LRRK1: variants seen among roughly 807,000 people sequenced by gnomAD.
LRRK1 encodes the protein leucine-rich repeat serine/threonine-protein kinase 1.
In LRRK1, 113 loss-of-function variants were observed where a neutral mutation model predicts 209.1. The observed-to-expected ratio is 0.54, with a 90% confidence interval of 0.46 to 0.63. LRRK1 has a LOEUF of 0.63. LRRK1 is among the 30% of genes least tolerant of loss of function. LRRK1 has a pLI of 0.00. For synonymous variants in LRRK1, 1,144 were observed against 1,099.7 expected, an observed-to-expected ratio of 1.04 and a Z score of -0.80; for missense variants, 2,284 against 2,632.2, an observed-to-expected ratio of 0.87 and a Z score of 2.89.
At position 101,022,250 on chromosome 15, in the gene LRRK1, C is replaced by CT. The variant is rs1190822494; in HGVS notation, c.1853-132dup. On this transcript the variant is annotated intron_variant, in intron 14 of 33. Coordinates refer to ENST00000388948, the MANE Select transcript of LRRK1 (RefSeq NM_024652.6). This position sits in a 1 kb window ranked among gnomAD's most constrained non-coding sequence, Gnocchi z 4.0. ...GGTTAGTGTCATGCCTTCCCTCCCC[C>CT]TGATCCAGTAGTCTTCCTTAACTGT... is the stretch of plus-strand genomic sequence containing the variant. 7.8e-6 allele frequency: 7 copies of CT among 892,254 alleles called. No individual in the cohort carries two copies. Among genetic ancestry groups the CT allele is most frequent in the Non-Finnish European group, 1.2e-5 (7 of 568,468 alleles). 55.3% of individuals were successfully genotyped at this position (892,254 alleles called of 1,614,324 possible). A position where few individuals can be genotyped will look rare whatever the true frequency, so the allele number is the denominator to read the frequency against.
chr15:100,983,478 C>T (rs1255573868), intron 3 of LRRK1, 50 bp from the exon 4 acceptor site: 6 of 1,499,280 alleles, frequency 4.0e-6, no homozygotes, highest in East Asian at 2.3e-5. Flanking sequence ...GTTGTCTTGG[C>T]AGTTCCTAAT....
At chr15:100,937,642 C>T (rs1260243908) in intron 2 of LRRK1, among the ~76,000 whole-genome samples, 1 of 151,944 alleles carries the variant, frequency 6.6e-6, no homozygotes, top group African/African-American at 2.4e-5. Flanking sequence ...TGATGCCATT[C>T]TCCTGCCTCC....
In LRRK1 at chr15:101,077,595, C is replaced by T. The variant is rs905385292; in HGVS notation, c.*8747C>T. 6 of 152,184 alleles carry T rather than the reference C, an allele frequency of 3.9e-5. No individual in the cohort carries two copies. Among genetic ancestry groups the T allele is most frequent in the Non-Finnish European group, 5.9e-5 (4 of 68,046 alleles). The allele number at this position is 152,184 out of a possible 1,614,324, so 9.4% of individuals were successfully genotyped here. On this transcript the variant is annotated 3_prime_UTR_variant, in exon 34 of 34. Transcript: ENST00000388948. ...ATACAAAACCGTATCCAGGTCATCA[C>T]CAATAATTCTAAATGACGAATGTTT...
chr15:101,029,442 G>A (rs906049339), intron 20 of LRRK1, among the ~76,000 whole-genome samples: 8 of 143,504 alleles, frequency 5.6e-5, no homozygotes, highest in African/African-American at 2.1e-4. Flanking sequence ...CCTGTGCCAC[G>A]GGCTTCTCTG....
rs2141584988 is a variant in LRRK1 at position 100,919,592 on chromosome 15, G to A, written c.-123+141G>A. Reference sequence around the variant, plus strand: ...GGGCCCCTGCGCTCCGGGCGGCCGCGTGGTCGGGCACGGGGGGCCGTTGCG... The same window carrying A: ...GGGCCCCTGCGCTCCGGGCGGCCGCATGGTCGGGCACGGGGGGCCGTTGCG... On this transcript the variant is annotated intron_variant, in intron 1 of 33. Transcript: ENST00000388948. The surrounding 1 kb of genome is among the most constrained non-coding windows in gnomAD (Gnocchi z 5.8). 6.7e-6 allele frequency: 1 copy of A among 149,042 alleles called. No individual in the cohort carries two copies. The highest frequency in any genetic ancestry group is 2.0e-4 in the East Asian group (1 of 5,118). 9.2% of individuals were successfully genotyped at this position (149,042 alleles called of 1,614,324 possible).
chr15:101,059,577 A>G (rs1227448425), intron 29 of LRRK1, among the ~76,000 whole-genome samples: 1 of 151,176 alleles, frequency 6.6e-6, no homozygotes, highest in Non-Finnish European at 1.5e-5. Flanking sequence ...GAGTCAGTTA[A>G]TGAGTAATTA....
chr15:100,953,656 AT>A (rs1419721856), intron 2 of LRRK1, among the ~76,000 whole-genome samples: 1 of 152,166 alleles, frequency 6.6e-6, no homozygotes, highest in Non-Finnish European at 1.5e-5. Context: ...GGTTACAGAT[AT>A]CTCTTCGAGA....
chr15:101,021,037 T>C lies in LRRK1; in HGVS notation c.1610-16T>C. On this transcript the variant is annotated splice_polypyrimidine_tract_variant and intron_variant, in intron 12 of 33. Coordinates refer to ENST00000388948, the MANE Select transcript of LRRK1 (RefSeq NM_024652.6). ...AATTATTTTTAAATGCAGTCTGCTT[T>C]GCCATGTCTTTGCAGCAAGTGTGCT... 2 of 1,613,954 alleles carry C rather than the reference T, an allele frequency of 1.2e-6. No individual in the cohort carries two copies. Among genetic ancestry groups the C allele is most frequent in the Non-Finnish European group, 1.7e-6 (2 of 1,179,856 alleles).
Position 101,048,532 on chromosome 15 carries a change from G to C in LRRK1, c.3174G>C (p.Arg1058Ser). 15 of 1,599,026 alleles carry C rather than the reference G, an allele frequency of 9.4e-6. No individual in the cohort carries two copies. The highest frequency in any genetic ancestry group is 1.2e-5 in the Non-Finnish European group (14 of 1,175,484). The change falls in exon 22 of 34, where the codon AGG (arginine) becomes AGC (serine). Residue 1058 changes from arginine (R) to serine (S), a missense_variant. Physicochemically the swap from Arg to Ser is moderately radical, Grantham distance 110 (BLOSUM62 -1). This residue lies in a region of LRRK1 where 780 missense variants were observed against 985.2 expected (regional missense o/e 0.79). Coordinates refer to ENST00000388948, the MANE Select transcript of LRRK1 (RefSeq NM_024652.6). ...AGAAGAATACTAAAAGCAGGAACAG[G>C]AAAGTCACCATTTACAGTTTTACAG... ...ENKKNTKSRNRKVTIYSFTGN... is the reference protein window; with the variant it reads ...ENKKNTKSRNSKVTIYSFTGN...
In LRRK1 at chr15:101,072,238, T is replaced by A. The variant is rs77598661; in HGVS notation, c.*3390T>A. 1 of 152,176 alleles carries A rather than the reference T, an allele frequency of 6.6e-6. No individual in the cohort carries two copies. The allele number at this position is 152,176 out of a possible 1,614,324, so 9.4% of individuals were successfully genotyped here. On this transcript the variant is annotated 3_prime_UTR_variant, in exon 34 of 34. Coordinates refer to ENST00000388948, the MANE Select transcript of LRRK1 (RefSeq NM_024652.6). ...CCAGCAGTTCCACTTAAGTATTTGGTCCTGAAATCTTGGTAAAAGTGCCCA... is the reference window on the plus strand; with the variant it reads ...CCAGCAGTTCCACTTAAGTATTTGGACCTGAAATCTTGGTAAAAGTGCCCA...
At chr15:101,053,549 T>C (rs902386236) in intron 26 of LRRK1, 129 bp downstream of exon 26, 1 of 791,264 alleles carries the variant, frequency 1.3e-6, no homozygotes, top group Admixed American at 2.7e-5. Context: ...ATGGCTCGTG[T>C]GACCATCCCC....
chr15:101,045,137 T>G (rs61409066), intron 20 of LRRK1, among the ~76,000 whole-genome samples: 11,269 of 152,304 alleles, frequency 0.074, 1,359 homozygotes, highest in African/African-American at 0.26. Context: ...GCTCGGGCCA[T>G]GGGCTGTCAC....
At position 101,027,335 on chromosome 15, in the gene LRRK1, A is replaced by G. The variant is rs373879296; in HGVS notation, c.2480A>G (p.Lys827Arg). The G allele has an allele frequency of 1.4e-5, 22 of 1,613,932 alleles. No homozygotes were observed. The highest frequency in any genetic ancestry group is 1.7e-5 in the Non-Finnish European group (20 of 1,180,016). The change falls in exon 18 of 34, where the codon AAG becomes AGG. Residue 827 changes from lysine to arginine, a missense_variant. Physicochemically the swap from Lys to Arg is conservative, Grantham distance 26 (BLOSUM62 2). This residue lies in a region of LRRK1 where 780 missense variants were observed against 985.2 expected (regional missense o/e 0.79). Coordinates refer to ENST00000388948, the MANE Select transcript of LRRK1 (RefSeq NM_024652.6). The surrounding 1 kb of genome is among the most constrained non-coding windows in gnomAD (Gnocchi z 5.1). Reference protein sequence around the residue: ...QLIFHVTCSMKDVGSTIGCQR... With the variant: ...QLIFHVTCSMRDVGSTIGCQR... ...ATTTTCCACGTCACGTGCAGCATGA[A>G]GGACGTGGGCAGCACCATCGGCTGC...
chr15:101,033,264 T>C (rs1243623879), intron 20 of LRRK1, among the ~76,000 whole-genome samples: 1 of 152,158 alleles, frequency 6.6e-6, no homozygotes, highest in African/African-American at 2.4e-5. Context: ...TATTTATCCT[T>C]TCTATGTGTT....
At chr15:100,970,322 G>A (rs1050162114) in intron 2 of LRRK1, among the ~76,000 whole-genome samples, 5 of 152,306 alleles carry the variant, frequency 3.3e-5, no homozygotes, top group East Asian at 1.9e-4. Context: ...ATTTGTATAT[G>A]GTGAGAAGTA....
chr15:101,066,372 A>C (rs2036531196), intron 32 of LRRK1, among the ~76,000 whole-genome samples, 167 bp downstream of exon 32: 1 of 152,246 alleles, frequency 6.6e-6, no homozygotes, highest in Non-Finnish European at 1.5e-5. Flanking sequence ...CGATCGCTTT[A>C]GCAAATCTAA....
At chr15:101,066,538 T>G in intron 32 of LRRK1, 102 bp from the exon 33 acceptor site, 2 of 1,043,066 alleles carry the variant, frequency 1.9e-6, no homozygotes, top group Non-Finnish European at 3.0e-6. Flanking sequence ...AGAAACTGCA[T>G]GTCTGTTGCC....
rs1567218348 is a variant in LRRK1, at chr15:100,989,409, A to C, written c.762+11A>C. 1 of 1,613,868 alleles carries C rather than the reference A, an allele frequency of 6.2e-7. No individual in the cohort carries two copies. The highest frequency in any genetic ancestry group is 1.3e-5 in the African/African-American group (1 of 75,050). Reference sequence around the variant, plus strand: ...TATCCGGGAAAAACAGTGAGTAGTCACTGCCTGTGGAGTGTGTTTTAGTTC... The same window carrying C: ...TATCCGGGAAAAACAGTGAGTAGTCCCTGCCTGTGGAGTGTGTTTTAGTTC... On this transcript the variant is annotated intron_variant, in intron 6 of 33. Coordinates refer to ENST00000388948, the MANE Select transcript of LRRK1 (RefSeq NM_024652.6).
intron 12 of LRRK1, among the ~76,000 whole-genome samples, chr15:101,016,238 T>C (rs1467927642): frequency 6.6e-6 from 1 of 151,710 alleles, no homozygotes; most frequent in Non-Finnish European, 1.5e-5. Flanking sequence ...CCCACCCTCA[T>C]GACCTCATCC....
Sources: allele counts gnomAD v4.1 joint callset (sites outside exome capture counted in the v4.1 genomes callset), GRCh38; gene constraint gnomAD v4.1.1; regional missense constraint gnomAD v4.1.1; non-coding constraint Gnocchi (gnomAD v3.1); transcripts MANE v1.5; gene names NCBI Gene and HGNC (gene_info 2026-07-23, HGNC 2026-07-21).